The following USP3 variants were observed in gnomAD, a reference collection of about 807,000 sequenced individuals.
USP3 encodes ubiquitin specific peptidase 3.
A neutral mutation model predicts 72.3 loss-of-function variants in USP3; 20 were observed. The ratio of observed to expected loss-of-function variants is 0.28; its 90% confidence interval spans 0.19 to 0.40. The LOEUF is 0.40. Ranked by LOEUF, USP3 falls within the 10% of genes least tolerant of loss-of-function variation. The pLI is 1.00. For missense variants in USP3, 479 were observed against 633.9 expected, an observed-to-expected ratio of 0.76 and a Z score of 2.62; for synonymous variants, 222 against 225.3, an observed-to-expected ratio of 0.99 and a Z score of 0.13.
intron 1 of USP3, among the ~76,000 whole-genome samples, chr15:63,522,011 A>G (rs1294378071): frequency 6.6e-6 from 1 of 152,120 alleles, no homozygotes; most frequent in Non-Finnish European, 1.5e-5. Context: ...GCGCTATCTT[A>G]GCTCACAGCA....
At chr15:63,566,742 A>G (rs977811652) in intron 8 of USP3, among the ~76,000 whole-genome samples, 1 of 152,192 alleles carries the variant, frequency 6.6e-6, no homozygotes, top group Admixed American at 6.5e-5. Context: ...GAATTTTGCT[A>G]TTGTATTTGT....
intron 1 of USP3, among the ~76,000 whole-genome samples, chr15:63,518,457 C>T (rs1052811680): frequency 6.6e-6 from 1 of 152,186 alleles, no homozygotes; most frequent in African/African-American, 2.4e-5. Context: ...TGGCTCTGTA[C>T]ATTGGTAATT....
Position 63,593,587 on chromosome 15 carries a change from G to C in USP3, c.*2761G>C. ...TAAGAGATGAACACGTCTTCTCTCTGAATTTGTTTTTATTGGTTGGTTTTA... is the reference window on the plus strand; with the variant it reads ...TAAGAGATGAACACGTCTTCTCTCTCAATTTGTTTTTATTGGTTGGTTTTA... On this transcript the variant is annotated 3_prime_UTR_variant, in exon 15 of 15. Transcript: ENST00000380324. The C allele has an allele frequency of 6.6e-6, 1 of 152,230 alleles. No individual in the cohort carries two copies. The highest frequency in any genetic ancestry group is 2.1e-4 in the South Asian group (1 of 4,832). 9.4% of individuals were successfully genotyped at this position (152,230 alleles called of 1,614,324 possible).
chr15:63,582,342 C>T (rs988235448), intron 11 of USP3, among the ~76,000 whole-genome samples: 2 of 152,154 alleles, frequency 1.3e-5, no homozygotes, highest in Non-Finnish European at 2.9e-5. Flanking sequence ...TAGGGGAACT[C>T]CCCAGGAGGC....
At chr15:63,527,537 G>C (rs1347901627) in intron 1 of USP3, among the ~76,000 whole-genome samples, 1 of 152,194 alleles carries the variant, frequency 6.6e-6, no homozygotes, top group Non-Finnish European at 1.5e-5. Flanking sequence ...TAGAATTCCA[G>C]ACTTGTTGGT....
In USP3 at chr15:63,562,954, C is replaced by T; in HGVS notation, c.707C>T (p.Ala236Val). The T allele has an allele frequency of 6.2e-7, 1 of 1,612,868 alleles. No individual in the cohort carries two copies. The highest frequency in any genetic ancestry group is 1.3e-5 in the African/African-American group (1 of 75,034). ...GCTTTATGGCAAGGCAGCCAGACTGCATTTAGCCCAGAGTCCTTATTTTAT... is the reference window on the plus strand; with the variant it reads ...GCTTTATGGCAAGGCAGCCAGACTGTATTTAGCCCAGAGTCCTTATTTTAT... ...LCALWQGSQTAFSPESLFYVV... is the reference protein window; with the variant it reads ...LCALWQGSQTVFSPESLFYVV... The change falls in exon 8 of 15, where the codon GCA becomes GTA. Residue 236 changes from alanine to valine, a missense_variant. Ala to Val is a moderately conservative substitution (Grantham distance 64, BLOSUM62 0). Coordinates refer to ENST00000380324, the MANE Select transcript of USP3 (RefSeq NM_006537.4).
At chr15:63,557,270 T>G (rs996831370) in intron 5 of USP3, among the ~76,000 whole-genome samples, 1 of 150,044 alleles carries the variant, frequency 6.7e-6, no homozygotes, top group African/African-American at 2.4e-5. Flanking sequence ...TTGTTTTTGT[T>G]TTTTTTTTTT....
chr15:63,588,158 G>T lies in USP3; in HGVS notation c.1097-147G>T. ...TTCTTCAAAGTAGGTATTATTTTTTGTCTCCAGTTTGCAATTGAGAAAGGT... is the reference window on the plus strand; with the variant it reads ...TTCTTCAAAGTAGGTATTATTTTTTTTCTCCAGTTTGCAATTGAGAAAGGT... On this transcript the variant is annotated intron_variant, in intron 11 of 14. Coordinates refer to ENST00000380324, the MANE Select transcript of USP3 (RefSeq NM_006537.4). This position sits in a 1 kb window ranked among gnomAD's most constrained non-coding sequence, Gnocchi z 4.6. 1.8e-6 allele frequency: 1 copy of T among 554,812 alleles called. No individual in the cohort carries two copies. Among genetic ancestry groups the T allele is most frequent in the African/African-American group, 1.9e-5 (1 of 52,230 alleles). 34.4% of individuals were successfully genotyped at this position (554,812 alleles called of 1,614,324 possible). A position where few individuals can be genotyped will look rare whatever the true frequency, so the allele number is the denominator to read the frequency against.
chr15:63,556,588 A>C, intron 4 of USP3, 79 bp from the exon 5 acceptor site: 2 of 1,153,044 alleles, frequency 1.7e-6, no homozygotes, highest in South Asian at 1.6e-5. Flanking sequence ...TGTTGAGGGC[A>C]GCTGGAGTTT....
intron 11 of USP3, among the ~76,000 whole-genome samples, chr15:63,584,258 C>T (rs991247245): frequency 3.3e-5 from 5 of 151,824 alleles, no homozygotes; most frequent in African/African-American, 7.3e-5. Flanking sequence ...CCACCATGCC[C>T]GGCTAATTTT....
Position 63,588,584 on chromosome 15 carries a change from T to G in USP3, c.1216-118T>G. ...ACAGAATGAATGCATAAGGTATGCA[T>G]GGAAGAATGATTGATAGGGCAGCTA... On this transcript the variant is annotated intron_variant, in intron 12 of 14. Transcript: ENST00000380324. This position sits in a 1 kb window ranked among gnomAD's most constrained non-coding sequence, Gnocchi z 4.6. 1.1e-6 allele frequency: 1 copy of G among 946,656 alleles called. No homozygotes were observed. The highest frequency in any genetic ancestry group is 1.6e-6 in the Non-Finnish European group (1 of 607,248). 58.6% of individuals were successfully genotyped at this position (946,656 alleles called of 1,614,324 possible).
intron 3 of USP3, among the ~76,000 whole-genome samples, chr15:63,547,422 A>T (rs964093694): frequency 1.1e-4 from 17 of 152,248 alleles, no homozygotes; most frequent in African/African-American, 3.9e-4. Context: ...TGAAAAACAA[A>T]TCCAGCCAAA....
At chr15:63,533,333 A>G (rs1191720276) in intron 2 of USP3, among the ~76,000 whole-genome samples, 1 of 152,140 alleles carries the variant, frequency 6.6e-6, no homozygotes, top group African/African-American at 2.4e-5. Context: ...ACTACTTTCT[A>G]TGGACAACAT....
chr15:63,518,209 G>A (rs1262896838), intron 1 of USP3, among the ~76,000 whole-genome samples: 2 of 152,106 alleles, frequency 1.3e-5, no homozygotes, highest in African/African-American at 4.8e-5. Flanking sequence ...TACCTTCTCT[G>A]ATAAATAGAA....
chr15:63,543,650 T>C (rs1436462677), intron 3 of USP3, among the ~76,000 whole-genome samples: 1 of 152,220 alleles, frequency 6.6e-6, no homozygotes, highest in African/African-American at 2.4e-5. Flanking sequence ...TGTAGCCACA[T>C]GGACACATGT....
In USP3 at chr15:63,553,659, C is replaced by T; in HGVS notation, c.285-56C>T. The T allele has an allele frequency of 6.5e-7, 1 of 1,528,026 alleles. No individual in the cohort carries two copies. The highest frequency in any genetic ancestry group is 8.9e-7 in the Non-Finnish European group (1 of 1,123,670). The allele number at this position is 1,528,026 out of a possible 1,614,324, so 94.7% of individuals were successfully genotyped here. A position where few individuals can be genotyped will look rare whatever the true frequency, so the allele number is the denominator to read the frequency against. On this transcript the variant is annotated intron_variant, in intron 3 of 14. Transcript: ENST00000380324. The surrounding 1 kb of genome is among the most constrained non-coding windows in gnomAD (Gnocchi z 4.2). ...CAACAGCCAGACCTTTTAGTGATTTCATTACTGTGGTTTCCTCAAGCTCTT... is the reference window on the plus strand; with the variant it reads ...CAACAGCCAGACCTTTTAGTGATTTTATTACTGTGGTTTCCTCAAGCTCTT...
intron 3 of USP3, among the ~76,000 whole-genome samples, chr15:63,550,471 A>G (rs1231623962): frequency 6.6e-6 from 1 of 152,246 alleles, no homozygotes; most frequent in Non-Finnish European, 1.5e-5. Context: ...TTTTATATCT[A>G]GCTGAGAGTT....
chr15:63,509,251 T>G (rs1232115035), intron 1 of USP3, among the ~76,000 whole-genome samples: 1 of 152,230 alleles, frequency 6.6e-6, no homozygotes, highest in East Asian at 1.9e-4. Flanking sequence ...AGTAACATTC[T>G]ATGATGTCTT....
intron 8 of USP3, among the ~76,000 whole-genome samples, chr15:63,564,836 T>G (rs571661993): frequency 2.6e-5 from 4 of 152,364 alleles, no homozygotes; most frequent in East Asian, 3.9e-4. Flanking sequence ...TTTTATGTAA[T>G]CAAAGAACAG....
Sources: gnomAD v4.1 joint callset for allele counts (sites outside exome capture counted in the v4.1 genomes callset) on GRCh38, gnomAD v4.1.1 for gene constraint, Gnocchi (gnomAD v3.1) non-coding constraint, MANE v1.5 for transcripts, NCBI Gene and HGNC (gene_info 2026-07-23, HGNC 2026-07-21) for gene names.